The following TENM2 variants were observed in gnomAD, a reference collection of about 807,000 sequenced individuals.
The protein encoded by TENM2 is teneurin transmembrane protein 2, also known as teneurin-2.
In TENM2, 52 loss-of-function variants were observed where a neutral mutation model predicts 245.2. That is an observed-to-expected ratio of 0.21 (90% CI 0.17 to 0.27). The LOEUF (loss-of-function observed/expected upper bound fraction) is 0.27. Among genes scored for constraint, TENM2 ranks in the 10% least tolerant of loss-of-function variants. The probability of loss-of-function intolerance (pLI) is 1.00; values close to 1 mark genes in which losing one functional copy is unlikely to be tolerated. For synonymous variants in TENM2, 1,363 were observed against 1,438.9 expected, an observed-to-expected ratio of 0.95 and a Z score of 1.19; for missense variants, 3,046 against 3,666.8, an observed-to-expected ratio of 0.83 and a Z score of 4.37.
intron 17 of TENM2, 84 bp downstream of exon 19, chr5:168,200,215 T>C: frequency 1.6e-6 from 2 of 1,269,712 alleles, no homozygotes; most frequent in South Asian, 1.5e-5. Context: ...TCCGAGGATA[T>C]GCCAAGCACC....
At chr5:167,695,449 C>T (rs949523040) in intron 2 of TENM2, among the ~76,000 whole-genome samples, 1 of 152,098 alleles carries the variant, frequency 6.6e-6, no homozygotes, top group African/African-American at 2.4e-5. Flanking sequence ...AAAACTCCTT[C>T]TTAACTCTAG....
intron 2 of TENM2, among the ~76,000 whole-genome samples, chr5:167,765,367 T>A (rs1762943728): frequency 6.6e-6 from 1 of 152,160 alleles, no homozygotes; most frequent in Non-Finnish European, 1.5e-5. Flanking sequence ...TGCAGTTGTC[T>A]TCTTTCATCT....
the TENM2 span, among the ~76,000 whole-genome samples, chr5:167,043,311 A>G: frequency 1.8e-4 from 27 of 152,316 alleles, no homozygotes; most frequent in Admixed American, 1.5e-3. Flanking sequence ...AGATAAAATT[A>G]TGGTATAAAG....
chr5:167,147,195 A>T, the TENM2 span, among the ~76,000 whole-genome samples: 1 of 152,230 alleles, frequency 6.6e-6, no homozygotes. Context: ...ATAGGGAAAC[A>T]TAACATATTG....
At chr5:167,640,842 C>CATATATATATATATCTATAT (rs1561628529) in intron 2 of TENM2, among the ~76,000 whole-genome samples, 1 of 75,488 alleles carries the variant, frequency 1.3e-5, no homozygotes, top group Non-Finnish European at 2.8e-5. Flanking sequence ...TATATATATC[C>CATATATATATATATCTATAT]ATATATATAT....
the TENM2 span, among the ~76,000 whole-genome samples, chr5:167,198,927 G>A: frequency 6.6e-6 from 1 of 151,890 alleles, no homozygotes; most frequent in Non-Finnish European, 1.5e-5. Context: ...AGCCCCTGGT[G>A]AGCCGTGCTT....
rs960913629 is a variant in TENM2 at position 167,624,726 on chromosome 5, C to T, written c.502+249253C>T. 2.0e-5 allele frequency among the ~76,000 whole-genome samples: 3 copies of T among 152,160 alleles called. No homozygotes were observed. In the East Asian group the frequency reaches 5.8e-4, roughly 29 times the overall value. On this transcript the variant is annotated intron_variant, in intron 2 of 28. Transcript: ENST00000518659. ...TGAGCTCTTGATATTTTGGCTCTGC[C>T]AGTTATAACTTCAGGATTCAAGAAC...
chr5:168,034,163 GTATA>G (rs1229387050), intron 5 of TENM2, among the ~76,000 whole-genome samples: 1 of 97,662 alleles, frequency 1.0e-5, no homozygotes, highest in African/African-American at 3.9e-5. Context: ...ATATATATAT[GTATA>G]TATATACACA....
rs1187680471 is a variant in TENM2, at chr5:167,431,939, ACATATATATG to A, written c.502+56467_502+56476del. On this transcript the variant is annotated intron_variant, in intron 2 of 28. Transcript: ENST00000518659. The stretch of plus-strand genomic sequence containing the variant: ...GATATATATATATACATATATATAT[ACATATATATG>A]TATATATATATGTATATATATATAT... Among the ~76,000 whole-genome samples the A allele has an allele frequency of 2.4e-4, 19 of 78,934 alleles. 1 individual carries two copies. The highest frequency in any genetic ancestry group is 7.8e-4 in the Admixed American group (5 of 6,380). The allele number at this position is 78,934 out of a possible 152,430, so 51.8% of individuals were successfully genotyped here.
At chr5:167,917,361 G>A (rs73372726) in intron 3 of TENM2, among the ~76,000 whole-genome samples, 1,979 of 152,234 alleles carry the variant, frequency 0.013, 40 homozygotes, top group African/African-American at 0.044. Context: ...GTCTCGGGGG[G>A]TTGTAGGGAT....
chr5:167,610,363 C>A (rs532805271), intron 2 of TENM2, among the ~76,000 whole-genome samples: 2 of 152,140 alleles, frequency 1.3e-5, no homozygotes, highest in Admixed American at 1.3e-4. Flanking sequence ...CATTGTTGAC[C>A]GACTCAACCT....
chr5:167,668,365 G>T lies in TENM2; in HGVS notation c.503-207621G>T, dbSNP rs1011519198. On this transcript the variant is annotated intron_variant, in intron 2 of 28. Transcript: ENST00000518659. ...CTGATTTATACTGCTTATGACTCCT[G>T]TGAGGGTGTTATGAGGTTTCATGAA... Among the ~76,000 whole-genome samples, 5 of 152,152 alleles carry T rather than the reference G, an allele frequency of 3.3e-5. 1 individual carries two copies. Among genetic ancestry groups the T allele is most frequent in the Admixed American group, 1.3e-4 (2 of 15,276 alleles).
intron 3 of TENM2, among the ~76,000 whole-genome samples, chr5:167,926,620 C>T (rs1375221090): frequency 1.3e-5 from 2 of 151,974 alleles, no homozygotes; most frequent in African/African-American, 4.8e-5. Flanking sequence ...ACTTGGGACG[C>T]TGAGGCAGGA....
the TENM2 span, among the ~76,000 whole-genome samples, chr5:167,055,552 C>A: frequency 1.6e-4 from 24 of 152,160 alleles, no homozygotes; most frequent in Middle Eastern, 3.4e-3. Flanking sequence ...TGGAATATCT[C>A]TCCATTCATT....
At chr5:167,385,542 G>A (rs1477212221) in intron 2 of TENM2, among the ~76,000 whole-genome samples, 3 of 150,216 alleles carry the variant, frequency 2.0e-5, no homozygotes, top group Non-Finnish European at 3.0e-5. Flanking sequence ...TTGGAGAACA[G>A]GTGGTGTTTG....
At chr5:167,959,372 T>C (rs1009408506) in intron 4 of TENM2, among the ~76,000 whole-genome samples, 7 of 152,120 alleles carry the variant, frequency 4.6e-5, no homozygotes, top group African/African-American at 1.7e-4. Context: ...TTTTTTTGTA[T>C]TGTTAGTAGA....
intron 2 of TENM2, among the ~76,000 whole-genome samples, chr5:167,558,882 A>G (rs560085113): frequency 1.9e-4 from 27 of 141,264 alleles, no homozygotes; most frequent in African/African-American, 5.9e-4. Flanking sequence ...GGTCCAAGGG[A>G]AAAAAAAAAA....
rs761994244 is a variant in TENM2 at position 167,395,454 on chromosome 5, G to A, written c.502+19981G>A. Reference sequence around the variant, plus strand: ...ATTGTGTCATCTGGAAACGGCGATAGCATTACTTCTTCCTTTCTAACTTGG... The same window carrying A: ...ATTGTGTCATCTGGAAACGGCGATAACATTACTTCTTCCTTTCTAACTTGG... On this transcript the variant is annotated intron_variant, in intron 2 of 28. Transcript: ENST00000518659. 5.3e-5 allele frequency among the ~76,000 whole-genome samples: 8 copies of A among 152,216 alleles called. No homozygotes were observed. In the South Asian group the frequency reaches 6.2e-4, roughly 12 times the overall value.
intron 2 of TENM2, among the ~76,000 whole-genome samples, chr5:167,740,597 A>G (rs1176791999): frequency 1.3e-5 from 2 of 152,052 alleles, no homozygotes; most frequent in Admixed American, 6.6e-5. Flanking sequence ...GTTCTTTTGT[A>G]TCCCGCGTGC....
Sources: allele counts gnomAD v4.1 joint callset (sites outside exome capture counted in the v4.1 genomes callset), GRCh38; gene constraint gnomAD v4.1.1; transcripts MANE v1.5; gene names NCBI Gene and HGNC (gene_info 2026-07-23, HGNC 2026-07-21).